The following TSLP variants were observed in gnomAD, a reference collection of about 807,000 sequenced individuals.
TSLP encodes thymic stroma-derived lymphopoietin.
In TSLP, 12 loss-of-function variants were observed where a neutral mutation model predicts 12.4. The observed-to-expected ratio is 0.97, with a 90% CI of 0.62 to 1.57. TSLP has a LOEUF of 1.57. TSLP is among the 40% of genes most tolerant of loss of function. The pLI is 0.00. For synonymous variants in TSLP, 97 were observed against 69.5 expected (o/e 1.40, Z -1.97); for missense variants, 222 against 189.6 (o/e 1.17, Z -1.00).
rs1050015808 is a variant in TSLP at position 111,076,271 on chromosome 5, G to A, written c.*197G>A. 2 of 594,204 alleles carry A rather than the reference G, an allele frequency of 3.4e-6. No individual in the cohort carries two copies. The highest frequency in any genetic ancestry group is 5.7e-6 in the Non-Finnish European group (2 of 350,432). The allele number at this position is 594,204 out of a possible 1,614,324, so 36.8% of individuals were successfully genotyped here. The stretch of plus-strand genomic sequence containing the variant: ...GGGGAAGTACTACTCCTCAAATGTT[G>A]AGGGAAGCTTCCATAACATTGATGA... On this transcript the variant is annotated 3_prime_UTR_variant, in exon 4 of 4. Transcript: ENST00000344895.
In TSLP at chr5:111,071,965, G is replaced by C; in HGVS notation, c.75G>C (p.Leu25=). ...TCTTCATCTTACAACTTGTAGGGCTGGTGTTAACTTACGACTTCACTAACT... is the reference window on the plus strand; with the variant it reads ...TCTTCATCTTACAACTTGTAGGGCTCGTGTTAACTTACGACTTCACTAACT... ...RKIFILQLVG[L]VLTYDFTNCD... is the part of the protein sequence containing the mutation. Residue 25 remains leucine (L), a synonymous_variant, in exon 1 of 4, where the codon CTG becomes CTC. Transcript: ENST00000344895. 1 of 1,614,174 alleles carries C rather than the reference G, an allele frequency of 6.2e-7. No homozygotes were observed.
At chr5:111,072,112 G>A (rs755122055) in intron 1 of TSLP, 51 bp downstream of exon 1, 3 of 1,455,182 alleles carry the variant, frequency 2.1e-6, no homozygotes, top group Non-Finnish European at 2.8e-6. Context: ...AGAGGAGTCG[G>A]CATACACACA....
chr5:111,074,042 G>T (rs1046714887), intron 3 of TSLP, among the ~76,000 whole-genome samples: 35 of 152,248 alleles, frequency 2.3e-4, no homozygotes, highest in Admixed American at 7.8e-4. Context: ...TTCTTGTCCA[G>T]TCCAAAGTTT....
intron 3 of TSLP, 148 bp downstream of exon 3, chr5:111,073,793 T>G: frequency 1.1e-6 from 1 of 876,682 alleles, no homozygotes; most frequent in Non-Finnish European, 1.7e-6. Context: ...AGGATGTCAG[T>G]TAGACCCACG....
intron 2 of TSLP, 110 bp downstream of exon 2, chr5:111,073,042 C>G: frequency 7.5e-7 from 1 of 1,330,646 alleles, no homozygotes; most frequent in South Asian, 1.2e-5. Context: ...GGCTCCGGGA[C>G]GCCGCCGCCG....
Position 111,076,099 on chromosome 5 carries a change from C to T in TSLP, c.*25C>T. ...AACCATCTTTATTATGGTCATATTT[C>T]ACAGCACCAAAATAAATCATCTTTA... is the stretch of plus-strand genomic sequence containing the variant. On this transcript the variant is annotated 3_prime_UTR_variant, in exon 4 of 4. Transcript: ENST00000344895. 6.2e-7 allele frequency: 1 copy of T among 1,611,830 alleles called. No individual in the cohort carries two copies. The highest frequency in any genetic ancestry group is 1.1e-5 in the South Asian group (1 of 90,596).
At chr5:111,072,203 T>C in intron 1 of TSLP, 142 bp downstream of exon 1, 2 of 730,514 alleles carry the variant, frequency 2.7e-6, no homozygotes, top group Non-Finnish European at 2.2e-6. Flanking sequence ...TTCTTACAAG[T>C]GATATTCAAA....
At chr5:111,073,186 TA>T (rs1688424050) in intron 2 of TSLP, 1 of 985,130 alleles carries the variant, frequency 1.0e-6, no homozygotes, top group Non-Finnish European at 1.4e-6. Flanking sequence ...GGAACGTTGT[TA>T]GGGGCACCAC....
Position 111,072,926 on chromosome 5 carries a change from C to G in TSLP, c.210C>G (p.Ser70Arg). Reference protein sequence around the residue: ...STEFNNTVSCSNRPHCLTEIQ... With the variant: ...STEFNNTVSCRNRPHCLTEIQ... ...AGTTCAACAACACCGTCTCTTGTAG[C>G]AATCGGGTGAGTAGAGAGTTCAGTG... Residue 70 changes from serine (S) to arginine (R), a missense_variant, in exon 2 of 4, where the codon AGC becomes AGG. Physicochemically the swap from Ser to Arg is moderately radical, Grantham distance 110. Transcript: ENST00000344895. 6.2e-7 allele frequency: 1 copy of G among 1,614,204 alleles called. No individual in the cohort carries two copies. Among genetic ancestry groups the G allele is most frequent in the Non-Finnish European group, 8.5e-7 (1 of 1,180,026 alleles).
At chr5:111,072,125 C>A in intron 1 of TSLP, 64 bp downstream of exon 1, 1 of 1,341,898 alleles carries the variant, frequency 7.5e-7, no homozygotes, top group South Asian at 1.5e-5. Context: ...TACACACACT[C>A]TACAATTTAA....
intron 2 of TSLP, 135 bp from the exon 3 acceptor site, chr5:111,073,376 C>T (rs898131044): frequency 1.9e-5 from 29 of 1,539,344 alleles, no homozygotes; most frequent in South Asian, 2.6e-5. Flanking sequence ...ACCCTGACCT[C>T]TTCTCTCTGA....
At chr5:111,072,830 A>AT (rs1752377615) in intron 1 of TSLP, 58 bp from the exon 2 acceptor site, 2 of 1,575,840 alleles carry the variant, frequency 1.3e-6, no homozygotes, top group Admixed American at 1.7e-5. Flanking sequence ...TGGAGGGATG[A>AT]TTTTCCTTGT....
At chr5:111,073,200 G>A in intron 2 of TSLP, 1 of 1,102,162 alleles carries the variant, frequency 9.1e-7, no homozygotes, top group Non-Finnish European at 1.2e-6. Context: ...GGCACCACCT[G>A]CTGGGGTCCG....
rs552998088 is a variant in TSLP, at chr5:111,077,697, G to T, written c.*1623G>T. ...AAAGAATTGAGGATTAGGGAGAAAG[G>T]AGACAACTCAAAGTCATCCCATTAA... On this transcript the variant is annotated 3_prime_UTR_variant, in exon 4 of 4. Coordinates refer to ENST00000344895, the MANE Select transcript of TSLP (RefSeq NM_033035.5). 6.6e-6 allele frequency: 1 copy of T among 152,564 alleles called. No individual in the cohort carries two copies. The highest frequency in any genetic ancestry group is 2.4e-5 in the African/African-American group (1 of 41,430). 9.5% of individuals were successfully genotyped at this position (152,564 alleles called of 1,614,324 possible).
intron 1 of TSLP, 43 bp from the exon 2 acceptor site, chr5:111,072,845 T>C (rs1752378033): frequency 6.2e-7 from 1 of 1,605,738 alleles, no homozygotes; most frequent in East Asian, 2.2e-5. Flanking sequence ...CCTTGTGGAC[T>C]TAAAAGTCTT....
chr5:111,071,790 T>G lies in TSLP; in HGVS notation c.-101T>G. On this transcript the variant is annotated 5_prime_UTR_variant, in exon 1 of 4. Transcript: ENST00000344895. ...TGGACTGGCAATGAGAGGCAAAACC[T>G]GGTGCTTGAGCACTGGCCCCTAAGG... 1 of 1,442,280 alleles carries G rather than the reference T, an allele frequency of 6.9e-7. No individual in the cohort carries two copies. The highest frequency in any genetic ancestry group is 2.3e-5 in the East Asian group (1 of 43,756). 89.3% of individuals were successfully genotyped at this position (1,442,280 alleles called of 1,614,324 possible). A position where few individuals can be genotyped will look rare whatever the true frequency, so the allele number is the denominator to read the frequency against.
In TSLP at chr5:111,076,299, G is replaced by A; in HGVS notation, c.*225G>A. 1 of 502,452 alleles carries A rather than the reference G, an allele frequency of 2.0e-6. No individual in the cohort carries two copies. The highest frequency in any genetic ancestry group is 3.5e-6 in the Non-Finnish European group (1 of 288,258). 31.1% of individuals were successfully genotyped at this position (502,452 alleles called of 1,614,324 possible). On this transcript the variant is annotated 3_prime_UTR_variant, in exon 4 of 4. Coordinates refer to ENST00000344895, the MANE Select transcript of TSLP (RefSeq NM_033035.5). Reference sequence around the variant, plus strand: ...GGAAGCTTCCATAACATTGATGACTGGCTTCATGGCAGTAATTCTCGGCTG... The same window carrying A: ...GGAAGCTTCCATAACATTGATGACTAGCTTCATGGCAGTAATTCTCGGCTG...
In TSLP at chr5:111,071,844, G is replaced by T; in HGVS notation, c.-47G>T. 6.3e-7 allele frequency: 1 copy of T among 1,593,946 alleles called. No homozygotes were observed. Among genetic ancestry groups the T allele is most frequent in the Non-Finnish European group, 8.6e-7 (1 of 1,166,506 alleles). On this transcript the variant is annotated 5_prime_UTR_variant, in exon 1 of 4. Transcript: ENST00000344895. ...GCCTTACAGATCTCTTACACTCGTG[G>T]TGGGAAGAGTTTAGTGTGAAACTGG...
At chr5:111,075,381 G>A (rs1471679243) in intron 3 of TSLP, among the ~76,000 whole-genome samples, 1 of 152,118 alleles carries the variant, frequency 6.6e-6, no homozygotes, top group African/African-American at 2.4e-5. Context: ...TCTAGACAAT[G>A]GGGCAGGGGA....
Sources: allele counts gnomAD v4.1 joint callset (sites outside exome capture counted in the v4.1 genomes callset), GRCh38; gene constraint gnomAD v4.1.1; transcripts MANE v1.5; gene names NCBI Gene and HGNC (gene_info 2026-07-23, HGNC 2026-07-21).